The following SMARCC1 variants were observed in gnomAD, a reference collection of about 807,000 sequenced individuals.
SMARCC1 encodes the protein SWI/SNF complex subunit SMARCC1.
SMARCC1 carries 43 observed loss-of-function variants against 147.4 expected under a neutral mutation model. The observed-to-expected ratio is 0.29, with a 90% CI of 0.23 to 0.38. The LOEUF is 0.38. Among genes scored for constraint, SMARCC1 ranks in the 10% least tolerant of loss-of-function variants. The probability of loss-of-function intolerance (pLI) is 1.00; values close to 1 mark genes in which losing one functional copy is unlikely to be tolerated. For missense variants in SMARCC1, 1,119 were observed against 1,381.1 expected (o/e 0.81, Z 3.01); for synonymous variants, 495 against 484.4 (o/e 1.02, Z -0.29).
chr3:47,655,984 G>C (rs1032029580), intron 21 of SMARCC1, among the ~76,000 whole-genome samples: 2 of 152,044 alleles, frequency 1.3e-5, no homozygotes, highest in Non-Finnish European at 2.9e-5. Context: ...AGGCCGAGAC[G>C]GGCGGATCAC....
At chr3:47,753,712 C>CAA (rs71070226) in intron 2 of SMARCC1, among the ~76,000 whole-genome samples, 39,551 of 69,802 alleles carry the variant, frequency 0.57, 10,162 homozygotes, top group East Asian at 0.66. Context: ...AACTCCATCT[C>CAA]AAAAAAAAAA....
Position 47,781,831 on chromosome 3 carries a change from C to T in SMARCC1, c.-34G>A. The stretch of plus-strand genomic sequence containing the variant: ...CCCGTCGTCCCCACAGCCTGGCCCA[C>T]CCCGGCCCTCGCGGTGTTTCCCGGT... On this transcript the variant is annotated 5_prime_UTR_variant, in exon 1 of 28. In the 5' UTR this introduces an upstream ATG that the reference lacks. Transcript: ENST00000254480. 1 of 1,302,206 alleles carries T rather than the reference C, an allele frequency of 7.7e-7. No homozygotes were observed. The highest frequency in any genetic ancestry group is 1.6e-5 in the African/African-American group (1 of 64,204). The allele number at this position is 1,302,206 out of a possible 1,614,324, so 80.7% of individuals were successfully genotyped here.
intron 19 of SMARCC1, 77 bp downstream of exon 19, chr3:47,670,581 C>T (rs1044096882): frequency 7.2e-6 from 7 of 968,898 alleles, no homozygotes; most frequent in African/African-American, 6.4e-5. Context: ...GAGACCCTGC[C>T]TCTAAATAAA....
At chr3:47,753,730 A>AC (rs972130716) in intron 2 of SMARCC1, among the ~76,000 whole-genome samples, 6 of 151,572 alleles carry the variant, frequency 4.0e-5, no homozygotes, top group African/African-American at 1.5e-4. Flanking sequence ...AAAAAAAAAA[A>AC]AAAGACAAAG....
intron 25 of SMARCC1, 127 bp from the exon 26 acceptor site, chr3:47,610,454 C>T: frequency 6.6e-6 from 6 of 911,470 alleles, no homozygotes; most frequent in East Asian, 2.4e-5. Context: ...CACCTCACTT[C>T]CTGCACCTTC....
chr3:47,693,197 C>A, intron 12 of SMARCC1, 44 bp downstream of exon 12: 1 of 1,126,208 alleles, frequency 8.9e-7, no homozygotes, highest in Non-Finnish European at 1.3e-6. Context: ...ATGACATATT[C>A]AAGACAGAAA....
chr3:47,762,317 G>A (rs559091739), intron 2 of SMARCC1, among the ~76,000 whole-genome samples: 5 of 152,206 alleles, frequency 3.3e-5, no homozygotes, highest in South Asian at 4.1e-4. Context: ...CGTTCCAAAC[G>A]GTTTATTCAA....
chr3:47,701,917 CA>C (rs1405678648), intron 10 of SMARCC1, among the ~76,000 whole-genome samples: 1 of 151,962 alleles, frequency 6.6e-6, no homozygotes, highest in African/African-American at 2.4e-5. Context: ...TAAAAGTTAA[CA>C]GGCATAAAAA....
intron 18 of SMARCC1, among the ~76,000 whole-genome samples, chr3:47,673,789 T>C (rs139830052): frequency 6.6e-6 from 1 of 152,340 alleles, no homozygotes; most frequent in East Asian, 1.9e-4. Context: ...TATGACAATG[T>C]AATAATACTC....
rs1011683312 is a variant in SMARCC1, at chr3:47,653,113, G to A, written c.2320+8181C>T. Among the ~76,000 whole-genome samples, 11 of 151,830 alleles carry A rather than the reference G, an allele frequency of 7.2e-5. No homozygotes were observed. In the East Asian group the frequency reaches 1.7e-3, roughly 24 times the overall value. On this transcript the variant is annotated intron_variant, in intron 21 of 27. Coordinates refer to ENST00000254480, the MANE Select transcript of SMARCC1 (RefSeq NM_003074.4). ...GCTGGGACTACAGGCGCCCGCCACC[G>A]CGCCCGGCTAATTTTTTGTATTTTT... is the stretch of plus-strand genomic sequence containing the variant.
intron 21 of SMARCC1, among the ~76,000 whole-genome samples, chr3:47,646,138 A>G (rs1002980371): frequency 1.3e-5 from 2 of 152,206 alleles, no homozygotes; most frequent in Non-Finnish European, 2.9e-5. Flanking sequence ...TGGGCAACAG[A>G]GCAAGACCCT....
At chr3:47,694,642 T>C (rs80133008) in intron 11 of SMARCC1, among the ~76,000 whole-genome samples, 2,546 of 152,286 alleles carry the variant, frequency 0.017, 82 homozygotes, top group African/African-American at 0.058. Context: ...TTGCATTGAA[T>C]GTCTTCATTA....
At chr3:47,707,452 CA>C (rs2034007997) in intron 9 of SMARCC1, among the ~76,000 whole-genome samples, 1 of 151,722 alleles carries the variant, frequency 6.6e-6, no homozygotes, top group Non-Finnish European at 1.5e-5. Context: ...GATCAACAAA[CA>C]AAAGTAAGCC....
intron 21 of SMARCC1, among the ~76,000 whole-genome samples, chr3:47,657,750 T>C (rs1005074886): frequency 6.6e-5 from 10 of 151,692 alleles, no homozygotes; most frequent in African/African-American, 2.4e-4. Context: ...GAGGCAGAGG[T>C]TGCAGTAAGC....
At chr3:47,647,142 C>T (rs1315429546) in intron 21 of SMARCC1, among the ~76,000 whole-genome samples, 1 of 152,180 alleles carries the variant, frequency 6.6e-6, no homozygotes, top group African/African-American at 2.4e-5. Context: ...GAAAAGAATG[C>T]ACTCGTGAAT....
intron 2 of SMARCC1, among the ~76,000 whole-genome samples, chr3:47,757,248 T>C (rs2034710520): frequency 6.6e-6 from 1 of 151,046 alleles, no homozygotes; most frequent in Admixed American, 6.6e-5. Context: ...CAGACCCCGT[T>C]TCAAAAAAGA....
chr3:47,653,568 CG>C (rs2033221092), intron 21 of SMARCC1, among the ~76,000 whole-genome samples: 1 of 152,152 alleles, frequency 6.6e-6, no homozygotes, highest in African/African-American at 2.4e-5. Flanking sequence ...TGACATGAAA[CG>C]TAAGAGACAT....
chr3:47,629,427 A>C lies in SMARCC1; in HGVS notation c.2646+5763T>G, dbSNP rs1489669315. 2.0e-5 allele frequency among the ~76,000 whole-genome samples: 3 copies of C among 152,190 alleles called. No individual in the cohort carries two copies. In the East Asian group the frequency reaches 5.8e-4, roughly 29 times the overall value. ...CAAGAGAGTAGACTGTGGAGGGTTA[A>C]GGTGGCACATCTTCTACCTTGAGCT... is the stretch of plus-strand genomic sequence containing the variant. On this transcript the variant is annotated intron_variant, in intron 24 of 27. Coordinates refer to ENST00000254480, the MANE Select transcript of SMARCC1 (RefSeq NM_003074.4).
chr3:47,710,603 A>G, intron 9 of SMARCC1, 80 bp downstream of exon 9: 1 of 1,455,388 alleles, frequency 6.9e-7, no homozygotes, highest in Non-Finnish European at 9.4e-7. Flanking sequence ...TTTGTATATG[A>G]CAGCTTACTG....
Sources: gnomAD v4.1 joint callset for allele counts (sites outside exome capture counted in the v4.1 genomes callset) on GRCh38, gnomAD v4.1.1 for gene constraint, MANE v1.5 for transcripts, NCBI Gene and HGNC (gene_info 2026-07-23, HGNC 2026-07-21) for gene names.